The following WDR19 variants were observed in gnomAD, a reference collection of about 807,000 sequenced individuals.
WDR19 encodes the protein WD repeat-containing protein 19.
A neutral mutation model predicts 180.0 loss-of-function variants in WDR19; 121 were observed. The ratio of observed to expected loss-of-function variants is 0.67; its 90% confidence interval spans 0.58 to 0.78. The LOEUF (loss-of-function observed/expected upper bound fraction) is 0.78. WDR19 is among the 30% of genes least tolerant of loss of function. The probability of loss-of-function intolerance (pLI) is 0.00; values close to 1 mark genes in which losing one functional copy is unlikely to be tolerated. For missense variants in WDR19, 1,450 were observed against 1,640.7 expected (o/e 0.88, Z 2.01); for synonymous variants, 497 against 540.7 (o/e 0.92, Z 1.12).
chr4:39,205,768 T>C (rs1172799587), intron 9 of WDR19, 32 bp downstream of exon 9: 16 of 1,538,608 alleles, frequency 1.0e-5, no homozygotes, highest in Non-Finnish European at 1.4e-5. Flanking sequence ...TTAGGAAAGC[T>C]TATATAGTAA....
At position 39,244,468 on chromosome 4, in the gene WDR19, A is replaced by T; in HGVS notation, c.2563-2A>T. ...TATTTTAATAATCCTGTCTTATTTT[A>T]GCAATTTTCAGAAGCGGCCCAACTG... On this transcript the variant is annotated splice_acceptor_variant, in intron 22 of 36. Transcript: ENST00000399820. LOFTEE classifies it high-confidence loss of function. 3 of 1,613,976 alleles carry T rather than the reference A, an allele frequency of 1.9e-6. No individual in the cohort carries two copies. Among genetic ancestry groups the T allele is most frequent in the Non-Finnish European group, 2.5e-6 (3 of 1,179,886 alleles).
chr4:39,269,911 G>A (rs1735174414), intron 30 of WDR19, 65 bp from the exon 31 acceptor site: 6 of 1,570,728 alleles, frequency 3.8e-6, no homozygotes, highest in Admixed American at 1.8e-5. Context: ...AGTAAGATGG[G>A]GGTCCATAGA....
At chr4:39,201,724 G>T (rs1344128532) in intron 6 of WDR19, among the ~76,000 whole-genome samples, 1 of 151,944 alleles carries the variant, frequency 6.6e-6, no homozygotes, top group East Asian at 1.9e-4. Flanking sequence ...AATAGATAGT[G>T]GATTTTTTTT....
intron 14 of WDR19, among the ~76,000 whole-genome samples, chr4:39,224,207 T>G (rs938996308): frequency 1.3e-5 from 2 of 152,078 alleles, no homozygotes; most frequent in African/African-American, 4.8e-5. Flanking sequence ...ATTTTCTAAT[T>G]TATTAATAGC....
At chr4:39,199,012 A>AG (rs1727089929) in intron 5 of WDR19, among the ~76,000 whole-genome samples, 1 of 151,548 alleles carries the variant, frequency 6.6e-6, no homozygotes, top group Non-Finnish European at 1.5e-5. Context: ...AAAAAAAAAA[A>AG]AAGAATTAGC....
rs1463002459 is a variant in WDR19 at position 39,266,090 on chromosome 4, A to G, written c.3211A>G (p.Thr1071Ala). The G allele has an allele frequency of 6.4e-7, 1 of 1,559,674 alleles. No individual in the cohort carries two copies. The highest frequency in any genetic ancestry group is 1.2e-5 in the South Asian group (1 of 84,328). Residue 1071 changes from threonine to alanine, a missense_variant, in exon 29 of 37, where the codon ACC becomes GCC. Transcript: ENST00000399820. ...TVGQAKDELL[T>A]NQLIDHLLGE... ...TGGTCAGGCCAAAGATGAACTGCTG[A>G]CCAATCAGCTGATAGACCATCTCCT...
At chr4:39,234,007 A>G (rs559059097) in intron 19 of WDR19, among the ~76,000 whole-genome samples, 2 of 152,316 alleles carry the variant, frequency 1.3e-5, no homozygotes, top group African/African-American at 4.8e-5. Flanking sequence ...GTCATGTACC[A>G]GCTGTGTAAC....
intron 25 of WDR19, among the ~76,000 whole-genome samples, 196 bp downstream of exon 25, chr4:39,253,488 G>A (rs1157962855): frequency 1.3e-5 from 2 of 151,910 alleles, no homozygotes; most frequent in Non-Finnish European, 2.9e-5. Context: ...ATATAATATA[G>A]AACTGCATGC....
intron 14 of WDR19, among the ~76,000 whole-genome samples, chr4:39,220,119 G>A (rs765662632): frequency 5.3e-5 from 8 of 152,176 alleles, no homozygotes; most frequent in Middle Eastern, 3.4e-3. Flanking sequence ...TACTCAGGAG[G>A]CTGAGGTGGG....
chr4:39,207,485 G>T (rs1033758501), intron 9 of WDR19, among the ~76,000 whole-genome samples: 25 of 152,096 alleles, frequency 1.6e-4, no homozygotes, highest in Admixed American at 1.6e-3. Flanking sequence ...TAATCAAACT[G>T]TTGAAAAATA....
At chr4:39,251,715 C>T (rs1034285604) in intron 24 of WDR19, among the ~76,000 whole-genome samples, 1 of 152,030 alleles carries the variant, frequency 6.6e-6, no homozygotes, top group African/African-American at 2.4e-5. Context: ...ACAGACACTT[C>T]TCAAAAGAAG....
intron 24 of WDR19, among the ~76,000 whole-genome samples, chr4:39,250,396 TA>T (rs1733032731): frequency 1.3e-5 from 2 of 152,086 alleles, no homozygotes; most frequent in African/African-American, 4.8e-5. Context: ...CCACAGCCAA[TA>T]TCATACTGAA....
intron 1 of WDR19, among the ~76,000 whole-genome samples, chr4:39,184,632 A>G (rs1020002932): frequency 2.0e-5 from 3 of 151,786 alleles, no homozygotes; most frequent in Admixed American, 2.0e-4. Flanking sequence ...TGCCCAGCTC[A>G]TTTTTTGGTA....
chr4:39,266,579 C>T (rs1734819007), intron 29 of WDR19, among the ~76,000 whole-genome samples: 1 of 152,218 alleles, frequency 6.6e-6, no homozygotes, highest in African/African-American at 2.4e-5. Context: ...GATAGCCATG[C>T]CCCTCTAGAT....
At chr4:39,185,080 C>T (rs1725374058) in intron 1 of WDR19, among the ~76,000 whole-genome samples, 1 of 152,120 alleles carries the variant, frequency 6.6e-6, no homozygotes, top group Admixed American at 6.5e-5. Flanking sequence ...TTTATATTTA[C>T]AGCACAGCTA....
At chr4:39,234,913 A>C in intron 20 of WDR19, 38 bp downstream of exon 20, 14 of 1,234,946 alleles carry the variant, frequency 1.1e-5, no homozygotes, top group African/African-American at 1.5e-5. Context: ...TCAGTAGCTA[A>C]TGACTGCAAA....
chr4:39,192,010 C>T (rs148389071), intron 4 of WDR19, among the ~76,000 whole-genome samples: 326 of 152,246 alleles, frequency 2.1e-3, no homozygotes, highest in African/African-American at 7.2e-3. Context: ...GCCTTATATC[C>T]TAAGAGAATA....
intron 1 of WDR19, among the ~76,000 whole-genome samples, chr4:39,183,426 T>G (rs1725184650): frequency 6.6e-6 from 1 of 151,932 alleles, no homozygotes. Flanking sequence ...ATTTTTTGTA[T>G]TTTTAGTAGA....
At chr4:39,267,947 C>T (rs1397376183) in intron 29 of WDR19, 48 bp from the exon 30 acceptor site, 2 of 1,520,092 alleles carry the variant, frequency 1.3e-6, no homozygotes, top group Admixed American at 1.9e-5. Flanking sequence ...TGTAATCTCC[C>T]CTTAGCTAAT....
Sources: gnomAD v4.1 joint callset for allele counts (sites outside exome capture counted in the v4.1 genomes callset) on GRCh38, gnomAD v4.1.1 for gene constraint, MANE v1.5 for transcripts, NCBI Gene and HGNC (gene_info 2026-07-23, HGNC 2026-07-21) for gene names.